Variants in MIPOL1 observed in about 807,000 individuals in gnomAD.
The protein encoded by MIPOL1 is mirror-image polydactyly gene 1 protein.
In MIPOL1, 57 loss-of-function variants were observed where a neutral mutation model predicts 60.9. The ratio of observed to expected loss-of-function variants is 0.94; its 90% CI spans 0.76 to 1.17. MIPOL1 has a LOEUF of 1.17. MIPOL1 is among the 50% of genes most tolerant of loss of function. The pLI, the probability that MIPOL1 is intolerant of heterozygous loss-of-function variation, is 0.00. For synonymous variants in MIPOL1, 179 were observed against 168.8 expected (o/e 1.06, Z -0.47); for missense variants, 551 against 511.6 (o/e 1.08, Z -0.74).
chr14:37,364,847 A>G (rs980027975), intron 9 of MIPOL1, among the ~76,000 whole-genome samples: 20 of 152,180 alleles, frequency 1.3e-4, no homozygotes, highest in African/African-American at 4.6e-4. Flanking sequence ...GACTCTTCCA[A>G]TCCATGAACA....
At chr14:37,258,047 G>T (rs1975251375) in intron 3 of MIPOL1, among the ~76,000 whole-genome samples, 1 of 152,082 alleles carries the variant, frequency 6.6e-6, no homozygotes, top group Non-Finnish European at 1.5e-5. Context: ...TTATTAATTT[G>T]TGTGATCAAG....
intron 9 of MIPOL1, among the ~76,000 whole-genome samples, chr14:37,331,613 A>G (rs2089696894): frequency 6.6e-6 from 1 of 150,522 alleles, no homozygotes; most frequent in Non-Finnish European, 1.5e-5. Flanking sequence ...GTTTATGTTG[A>G]TTTTATATTC....
chr14:37,512,128 A>T (rs537665196), intron 12 of MIPOL1, among the ~76,000 whole-genome samples: 1 of 151,246 alleles, frequency 6.6e-6, no homozygotes, highest in East Asian at 2.0e-4. Context: ...CTTTTGAAAT[A>T]TAGGGCACCC....
At chr14:37,437,622 G>A (rs1428501452) in intron 11 of MIPOL1, among the ~76,000 whole-genome samples, 1 of 152,078 alleles carries the variant, frequency 6.6e-6, no homozygotes, top group Non-Finnish European at 1.5e-5. Flanking sequence ...TTAATTCAGA[G>A]CTAACACCAC....
At chr14:37,309,101 A>ATTTT (rs1437446388) in intron 9 of MIPOL1, among the ~76,000 whole-genome samples, 1 of 121,758 alleles carries the variant, frequency 8.2e-6, no homozygotes, top group Non-Finnish European at 1.7e-5. Flanking sequence ...GTTTCTTGTT[A>ATTTT]TTTTATTTAT....
chr14:37,351,628 G>A, intron 9 of MIPOL1, among the ~76,000 whole-genome samples: 1 of 143,976 alleles, frequency 6.9e-6, no homozygotes, highest in Non-Finnish European at 1.5e-5. Flanking sequence ...GTATCTCATT[G>A]TGGTTTTGAT....
chr14:37,397,499 A>G (rs2093396797), intron 10 of MIPOL1, among the ~76,000 whole-genome samples: 1 of 152,146 alleles, frequency 6.6e-6, no homozygotes, highest in South Asian at 2.1e-4. Flanking sequence ...TCCAGAGAGC[A>G]TCAGCTGTGG....
intron 9 of MIPOL1, among the ~76,000 whole-genome samples, chr14:37,364,099 G>T (rs975221307): frequency 1.3e-5 from 2 of 152,200 alleles, no homozygotes; most frequent in African/African-American, 2.4e-5. Flanking sequence ...CCTGGGTGAG[G>T]TGACGCCCTG....
intron 9 of MIPOL1, among the ~76,000 whole-genome samples, chr14:37,321,230 A>G (rs1037517858): frequency 6.6e-6 from 1 of 151,928 alleles, no homozygotes; most frequent in African/African-American, 2.4e-5. Flanking sequence ...TTTTCTTTAT[A>G]TACTGCTTTG....
intron 10 of MIPOL1, chr14:37,400,144 A>G (rs753718053): frequency 2.0e-5 from 3 of 152,104 alleles, no homozygotes; most frequent in Non-Finnish European, 4.4e-5. Context: ...AGGCATAGGA[A>G]GATAGGAAAG....
At chr14:37,416,969 G>A (rs1335444791) in intron 10 of MIPOL1, among the ~76,000 whole-genome samples, 4 of 152,030 alleles carry the variant, frequency 2.6e-5, no homozygotes, top group African/African-American at 9.7e-5. Flanking sequence ...TATGTCCCAG[G>A]CACTGTTACG....
chr14:37,521,910 A>ATATATT (rs572835469), intron 12 of MIPOL1, among the ~76,000 whole-genome samples: 9 of 132,770 alleles, frequency 6.8e-5, no homozygotes, highest in African/African-American at 2.2e-4. Context: ...ATATATATAT[A>ATATATT]TTTTTTTTTT....
chr14:37,321,591 G>A (rs1428345637), intron 9 of MIPOL1, among the ~76,000 whole-genome samples: 1 of 151,906 alleles, frequency 6.6e-6, no homozygotes, highest in Non-Finnish European at 1.5e-5. Flanking sequence ...ATGTTATTTA[G>A]ACCAAATAGG....
intron 1 of MIPOL1, among the ~76,000 whole-genome samples, chr14:37,234,885 C>T (rs1971202551): frequency 6.6e-6 from 1 of 151,832 alleles, no homozygotes; most frequent in Non-Finnish European, 1.5e-5. Context: ...AGGCCATTCT[C>T]CTGCCTCAGC....
chr14:37,451,607 C>T (rs2094417492), intron 11 of MIPOL1, among the ~76,000 whole-genome samples: 1 of 151,048 alleles, frequency 6.6e-6, no homozygotes. Context: ...TCATCATAAT[C>T]ATAGGATTGT....
At chr14:37,522,913 A>G (rs1003253105) in intron 12 of MIPOL1, among the ~76,000 whole-genome samples, 6 of 152,170 alleles carry the variant, frequency 3.9e-5, no homozygotes, top group African/African-American at 1.4e-4. Context: ...TTTCTTACTT[A>G]GGGAGTGAAA....
chr14:37,321,668 G>C (rs1369417463), intron 9 of MIPOL1, among the ~76,000 whole-genome samples: 1 of 151,912 alleles, frequency 6.6e-6, no homozygotes, highest in Non-Finnish European at 1.5e-5. Context: ...TATCAAGAGA[G>C]ATGTTTAAAG....
chr14:37,291,012 C>G (rs1228358674), intron 7 of MIPOL1, among the ~76,000 whole-genome samples: 2 of 152,132 alleles, frequency 1.3e-5, no homozygotes, highest in African/African-American at 4.8e-5. Context: ...TGGCCTCCAG[C>G]TCCACCCATG....
chr14:37,426,594 T>TATATATATATATACAC (rs1447990257), intron 11 of MIPOL1, among the ~76,000 whole-genome samples: 1 of 125,434 alleles, frequency 8.0e-6, no homozygotes, highest in East Asian at 2.3e-4. Flanking sequence ...TATATATATA[T>TATATATATATATACAC]ACACACACAC....
Sources: gnomAD v4.1 joint callset for allele counts (sites outside exome capture counted in the v4.1 genomes callset) on GRCh38, gnomAD v4.1.1 for gene constraint, MANE v1.5 for transcripts, NCBI Gene and HGNC (gene_info 2026-07-23, HGNC 2026-07-21) for gene names.